The following RNF6 variants were observed in gnomAD, a reference collection of about 807,000 sequenced individuals.
RNF6 encodes the protein E3 ubiquitin-protein ligase RNF6.
A neutral mutation model predicts 50.1 loss-of-function variants in RNF6; 21 were observed. That is an observed-to-expected ratio of 0.42 (90% CI 0.30 to 0.60). The LOEUF (loss-of-function observed/expected upper bound fraction) is 0.60, where lower values mean the gene tolerates loss of function less well. Ranked by LOEUF, RNF6 falls within the 20% of genes least tolerant of loss-of-function variation. The probability of loss-of-function intolerance (pLI) is 0.20; values close to 1 mark genes in which losing one functional copy is unlikely to be tolerated. For synonymous variants in RNF6, 255 were observed against 291.8 expected, an observed-to-expected ratio of 0.87 and a Z score of 1.29; for missense variants, 698 against 838.2, an observed-to-expected ratio of 0.83 and a Z score of 2.07.
In RNF6 at chr13:26,215,445, T is replaced by A. The variant is rs750805849; in HGVS notation, c.437A>T (p.Glu146Val). ...AVSRTNPNNGEFRFSLEIHVN... is the reference protein window; with the variant it reads ...AVSRTNPNNGVFRFSLEIHVN... The stretch of plus-strand genomic sequence containing the variant: ...GTGGATTTCCAAACTAAACCGAAAC[T>A]CTCCATTGTTCGGGTTTGTTCGACT... Residue 146 changes from glutamate (E) to valine (V), a missense_variant, in exon 5 of 5, where the codon GAG (glutamate) becomes GTG (valine). Transcript: ENST00000381588. 6.2e-7 allele frequency: 1 copy of A among 1,614,090 alleles called. No homozygotes were observed. The highest frequency in any genetic ancestry group is 8.5e-7 in the Non-Finnish European group (1 of 1,180,058).
At chr13:26,210,239 G>T (rs758515049), downstream of RNF6, among the ~76,000 whole-genome samples, 5 of 152,202 alleles carry the variant, frequency 3.3e-5, no homozygotes, top group Non-Finnish European at 7.3e-5. Flanking sequence ...CCCCAAGTGA[G>T]CCACCTACTA....
intron 5 of RNF6, among the ~76,000 whole-genome samples, chr13:26,174,116 T>C (rs1300974573): frequency 1.3e-5 from 2 of 152,166 alleles, no homozygotes; most frequent in Non-Finnish European, 2.9e-5. Context: ...TCCCAACTGC[T>C]AGAACACTTT....
chr13:26,139,613 A>G (rs1203190671), intron 5 of RNF6, among the ~76,000 whole-genome samples: 2 of 152,214 alleles, frequency 1.3e-5, no homozygotes, highest in South Asian at 2.1e-4. Flanking sequence ...TGGAATTGCA[A>G]TAAACCTCAA....
chr13:26,178,981 C>G (rs1292619769), intron 5 of RNF6, among the ~76,000 whole-genome samples: 2 of 152,180 alleles, frequency 1.3e-5, no homozygotes, highest in Non-Finnish European at 2.9e-5. Flanking sequence ...TTTGTTAAGA[C>G]TAAATAATAT....
intron 5 of RNF6, among the ~76,000 whole-genome samples, chr13:26,189,506 T>C (rs1341720238): frequency 6.6e-6 from 1 of 152,186 alleles, no homozygotes; most frequent in Non-Finnish European, 1.5e-5. Context: ...AAGGAGGAAA[T>C]GGAAAACTCC....
intron 3 of RNF6, 72 bp downstream of exon 3, chr13:26,219,385 A>G (rs1231979241): frequency 6.4e-6 from 8 of 1,251,014 alleles, no homozygotes; most frequent in East Asian, 2.4e-5. Context: ...AAGAATACCA[A>G]TTCTCCTTAT....
chr13:26,218,905 T>G (rs1296971392), intron 3 of RNF6, among the ~76,000 whole-genome samples: 2 of 152,196 alleles, frequency 1.3e-5, no homozygotes, highest in African/African-American at 4.8e-5. Flanking sequence ...TGGATTTTTG[T>G]CAGTTAAAAA....
chr13:26,153,659 A>C (rs985523610), intron 5 of RNF6, among the ~76,000 whole-genome samples: 1 of 152,222 alleles, frequency 6.6e-6, no homozygotes, highest in Non-Finnish European at 1.5e-5. Context: ...ACAGGAATAA[A>C]CCAGATTATG....
intron 5 of RNF6, chr13:26,142,171 C>A (rs536570984): frequency 3.9e-5 from 6 of 152,062 alleles, no homozygotes; most frequent in African/African-American, 7.2e-5. Flanking sequence ...ATCAAAACCA[C>A]AATAAGATAA....
downstream of RNF6, among the ~76,000 whole-genome samples, chr13:26,207,879 AG>A (rs1555319972): frequency 6.6e-6 from 1 of 152,242 alleles, no homozygotes; most frequent in Non-Finnish European, 1.5e-5. Context: ...GATGCAGAGC[AG>A]ACTTTTCTGC....
At chr13:26,134,399 CA>C (rs1870543486) in intron 5 of RNF6, among the ~76,000 whole-genome samples, 1 of 152,220 alleles carries the variant, frequency 6.6e-6, no homozygotes, top group Admixed American at 6.5e-5. Flanking sequence ...ACTATGGTGT[CA>C]ACATTTTGTC....
intron 5 of RNF6, among the ~76,000 whole-genome samples, chr13:26,169,870 GTCCTTTGTTTCAGTGAAGC>G (rs1872613425): frequency 1.3e-5 from 2 of 152,140 alleles, no homozygotes; most frequent in Admixed American, 1.3e-4. Flanking sequence ...AAACTCTTCA[GTCCTTTGTTTCAGTGAAGC>G]TGAGTTCACA....
At chr13:26,194,399 T>G (rs1414120456) in intron 5 of RNF6, among the ~76,000 whole-genome samples, 1 of 152,122 alleles carries the variant, frequency 6.6e-6, no homozygotes, top group African/African-American at 2.4e-5. Context: ...GAAGAACACT[T>G]GTGAAGTTTA....
intron 5 of RNF6, among the ~76,000 whole-genome samples, chr13:26,152,705 G>A (rs1463781539): frequency 5.3e-5 from 8 of 152,168 alleles, no homozygotes; most frequent in East Asian, 1.9e-4. Flanking sequence ...CTTCTAAGAC[G>A]TTTCTATTCT....
chr13:26,197,792 G>A (rs751109567), intron 5 of RNF6, among the ~76,000 whole-genome samples: 2 of 151,860 alleles, frequency 1.3e-5, no homozygotes, highest in African/African-American at 2.4e-5. Context: ...TTGGGAGGCC[G>A]AGGTGGGCAG....
intron 5 of RNF6, among the ~76,000 whole-genome samples, chr13:26,189,685 A>G (rs535546281): frequency 7.6e-4 from 115 of 152,236 alleles, no homozygotes; most frequent in South Asian, 3.9e-3. Context: ...ACTGAGTTTG[A>G]GACAGGTAGC....
At chr13:26,154,696 A>T (rs140080683) in intron 5 of RNF6, among the ~76,000 whole-genome samples, 5 of 152,348 alleles carry the variant, frequency 3.3e-5, no homozygotes, top group African/African-American at 1.2e-4. Flanking sequence ...GGCAATAAGC[A>T]AGACTTATTC....
At chr13:26,172,582 C>T (rs1422481003) in intron 5 of RNF6, among the ~76,000 whole-genome samples, 4 of 151,004 alleles carry the variant, frequency 2.6e-5, no homozygotes, top group East Asian at 1.9e-4. Context: ...CTTGCTCTGT[C>T]GCCCAGGCTG....
At chr13:26,185,304 G>A (rs1873464231) in intron 5 of RNF6, among the ~76,000 whole-genome samples, 1 of 151,882 alleles carries the variant, frequency 6.6e-6, no homozygotes. Flanking sequence ...CCCCGACCAA[G>A]GTATTATTTT....
Sources: gnomAD v4.1 joint callset for allele counts (sites outside exome capture counted in the v4.1 genomes callset) on GRCh38, gnomAD v4.1.1 for gene constraint, MANE v1.5 for transcripts, NCBI Gene and HGNC (gene_info 2026-07-23, HGNC 2026-07-21) for gene names.